Variants in CAB39L observed in about 807,000 individuals in gnomAD.
CAB39L encodes calcium binding protein 39 like.
Under a neutral mutation model 39.1 loss-of-function variants are expected in CAB39L, and 23 were observed. The observed-to-expected ratio is 0.59, with a 90% CI of 0.42 to 0.83. CAB39L has a LOEUF of 0.83. CAB39L is among the 40% of genes least tolerant of loss of function. The pLI is 0.00. For missense variants in CAB39L, 366 were observed against 391.9 expected, an observed-to-expected ratio of 0.93 and a Z score of 0.56; for synonymous variants, 126 against 137.2, an observed-to-expected ratio of 0.92 and a Z score of 0.57.
chr13:49,434,201 C>A lies in CAB39L; in HGVS notation c.-223G>T, dbSNP rs1226440015. The A allele has an allele frequency of 1.8e-5, 8 of 455,006 alleles. No individual in the cohort carries two copies. Among genetic ancestry groups the A allele is most frequent in the Middle Eastern group, 3.3e-4 (1 of 3,066 alleles). 28.2% of individuals were successfully genotyped at this position (455,006 alleles called of 1,614,324 possible). ...GAACACTTTGCTCCTGATATTCTTTCTTCTCAATATTTGATGGATATCCTG... is the reference window on the plus strand; with the variant it reads ...GAACACTTTGCTCCTGATATTCTTTATTCTCAATATTTGATGGATATCCTG... On this transcript the variant is annotated 5_prime_UTR_variant, in exon 2 of 11. Transcript: ENST00000409308.
At chr13:49,403,614 T>A (rs1022231819) in intron 3 of CAB39L, among the ~76,000 whole-genome samples, 3 of 152,064 alleles carry the variant, frequency 2.0e-5, no homozygotes, top group Non-Finnish European at 2.9e-5. Flanking sequence ...AAGATAAGAA[T>A]GTTAAGGAGA....
chr13:49,401,663 T>A (rs987106199), intron 3 of CAB39L: 1 of 152,170 alleles, frequency 6.6e-6, no homozygotes, highest in Non-Finnish European at 1.5e-5. Context: ...AGTCTAGAGA[T>A]AAACAAAATT....
At chr13:49,332,417 T>A (rs552028013) in intron 9 of CAB39L, among the ~76,000 whole-genome samples, 3 of 152,190 alleles carry the variant, frequency 2.0e-5, no homozygotes, top group Non-Finnish European at 2.9e-5. Flanking sequence ...TATTGCTCCA[T>A]AGGCATTCAG....
At chr13:49,368,774 T>C (rs1955835723) in intron 5 of CAB39L, among the ~76,000 whole-genome samples, 1 of 152,094 alleles carries the variant, frequency 6.6e-6, no homozygotes, top group South Asian at 2.1e-4. Context: ...TATGGAAGTA[T>C]TAACTCAAAT....
chr13:49,339,565 TA>T, intron 9 of CAB39L, 111 bp downstream of exon 9: 2 of 1,156,594 alleles, frequency 1.7e-6, no homozygotes, highest in Non-Finnish European at 2.2e-6. Context: ...TCAAGTTATT[TA>T]AAAAAAGGAT....
intron 4 of CAB39L, among the ~76,000 whole-genome samples, chr13:49,378,264 G>A (rs559011551): frequency 1.1e-5 from 1 of 91,136 alleles, no homozygotes; most frequent in South Asian, 3.6e-4. Flanking sequence ...AGGGAGGTGG[G>A]GGGGGGTCAA....
intron 3 of CAB39L, among the ~76,000 whole-genome samples, chr13:49,429,916 A>G (rs983504105): frequency 2.4e-4 from 37 of 152,324 alleles, no homozygotes; most frequent in Non-Finnish European, 3.4e-4. Flanking sequence ...TATTTCTCAT[A>G]AACATGCTTT....
At chr13:49,361,160 C>T (rs114581550) in intron 5 of CAB39L, among the ~76,000 whole-genome samples, 1,658 of 152,150 alleles carry the variant, frequency 0.011, 29 homozygotes, top group African/African-American at 0.038. Context: ...AACACTTCAA[C>T]GTCTCCCTTT....
intron 10 of CAB39L, among the ~76,000 whole-genome samples, chr13:49,314,687 C>G (rs1428813635): frequency 1.3e-5 from 2 of 152,172 alleles, no homozygotes; most frequent in Non-Finnish European, 2.9e-5. Flanking sequence ...AGCGCAGATT[C>G]AGAAGCACAC....
intron 10 of CAB39L, among the ~76,000 whole-genome samples, chr13:49,329,596 T>TATAA (rs1953667260): frequency 3.3e-5 from 4 of 122,648 alleles, no homozygotes; most frequent in Admixed American, 9.2e-5. Flanking sequence ...TATATATATA[T>TATAA]AATGATGTAA....
intron 1 of CAB39L, among the ~76,000 whole-genome samples, chr13:49,439,737 C>T (rs1011343765): frequency 6.6e-6 from 1 of 152,094 alleles, no homozygotes; most frequent in African/African-American, 2.4e-5. Context: ...GCAGCCTTGC[C>T]CACATCTGTT....
At chr13:49,350,697 C>A in intron 7 of CAB39L, 47 bp downstream of exon 7, 1 of 1,402,696 alleles carries the variant, frequency 7.1e-7, no homozygotes, top group Non-Finnish European at 9.6e-7. Flanking sequence ...TCTTCAGGGG[C>A]CAAGTGACTA....
At chr13:49,336,472 A>C (rs1717081498) in intron 9 of CAB39L, among the ~76,000 whole-genome samples, 1 of 152,196 alleles carries the variant, frequency 6.6e-6, no homozygotes, top group African/African-American at 2.4e-5. Flanking sequence ...GAATTAATGA[A>C]AAACAGGAAA....
intron 3 of CAB39L, among the ~76,000 whole-genome samples, chr13:49,417,705 G>A (rs199817340): frequency 4.3e-4 from 65 of 151,808 alleles, no homozygotes; most frequent in Non-Finnish European, 8.1e-4. Context: ...TCTATCAGGG[G>A]AAGACTGAAA....
chr13:49,431,079 T>C (rs951413110), intron 3 of CAB39L, among the ~76,000 whole-genome samples: 2 of 152,238 alleles, frequency 1.3e-5, no homozygotes, highest in Admixed American at 6.5e-5. Context: ...TTTGGACATA[T>C]GTGTATTTAC....
At chr13:49,340,624 A>C (rs893417298) in intron 8 of CAB39L, among the ~76,000 whole-genome samples, 39 of 152,378 alleles carry the variant, frequency 2.6e-4, no homozygotes, top group African/African-American at 8.9e-4. Context: ...TGACTTATTT[A>C]TTCTATCCTG....
chr13:49,422,294 C>T (rs889309816), intron 3 of CAB39L, among the ~76,000 whole-genome samples: 2 of 152,082 alleles, frequency 1.3e-5, no homozygotes, highest in Non-Finnish European at 2.9e-5. Context: ...TATTTCTGGC[C>T]GGGCGTGGTG....
chr13:49,311,746 T>C (rs2138316782), intron 10 of CAB39L, among the ~76,000 whole-genome samples: 1 of 152,266 alleles, frequency 6.6e-6, no homozygotes, highest in South Asian at 2.1e-4. Flanking sequence ...AGAATAAGGA[T>C]ATAAAGAAAG....
Position 49,404,613 on chromosome 13 carries a change from A to G in CAB39L, c.-31-21672T>C, listed in dbSNP as rs1956835535. Among the ~76,000 whole-genome samples the G allele has an allele frequency of 2.0e-5, 3 of 152,186 alleles. No homozygotes were observed. In the South Asian group the frequency reaches 6.2e-4, roughly 31 times the overall value. On this transcript the variant is annotated intron_variant, in intron 3 of 10. Transcript: ENST00000409308. ...TAAGGAACCAGTGACCAATTCTGGA[A>G]TGACAGAGATATGCGACCTTTAAGA...
Sources: allele counts gnomAD v4.1 joint callset (sites outside exome capture counted in the v4.1 genomes callset), GRCh38; gene constraint gnomAD v4.1.1; transcripts MANE v1.5; gene names NCBI Gene and HGNC (gene_info 2026-07-23, HGNC 2026-07-21).